Variants in STK31 observed in about 807,000 individuals in gnomAD.
STK31 encodes serine/threonine-protein kinase 31.
In STK31, 89 loss-of-function variants were observed where a neutral mutation model predicts 129.7. The observed-to-expected ratio is 0.69, with a 90% confidence interval of 0.58 to 0.82. STK31 has a LOEUF of 0.82. Among genes scored for constraint, STK31 ranks in the 40% least tolerant of loss-of-function variants. The probability of loss-of-function intolerance (pLI) is 0.00; values close to 1 mark genes in which losing one functional copy is unlikely to be tolerated. For synonymous variants in STK31, 448 were observed against 395.3 expected (o/e 1.13, Z -1.58); for missense variants, 1,187 against 1,176.4 (o/e 1.01, Z -0.13).
chr7:23,787,866 T>A (rs1205220209), intron 20 of STK31, 114 bp from the exon 21 acceptor site: 1 of 1,006,140 alleles, frequency 9.9e-7, no homozygotes, highest in Admixed American at 2.9e-5. Context: ...TTATTAATGG[T>A]TCATTTCGAG....
chr7:23,727,877 A>T (rs1787184025), intron 5 of STK31, among the ~76,000 whole-genome samples: 2 of 151,848 alleles, frequency 1.3e-5, no homozygotes, highest in Admixed American at 1.3e-4. Context: ...GATCTTAATA[A>T]TTATATTTGG....
intron 13 of STK31, 102 bp downstream of exon 13, chr7:23,769,858 G>A: frequency 1.4e-6 from 1 of 734,388 alleles, no homozygotes; most frequent in Non-Finnish European, 2.2e-6. Flanking sequence ...TTGCTAGTTA[G>A]AAAGTATTAA....
At chr7:23,787,331 T>A (rs1791345133) in intron 20 of STK31, among the ~76,000 whole-genome samples, 1 of 152,172 alleles carries the variant, frequency 6.6e-6, no homozygotes, top group African/African-American at 2.4e-5. Context: ...TGATTCTTCT[T>A]ATGGAGTAAC....
At position 23,769,018 on chromosome 7, in the gene STK31, A is replaced by G; in HGVS notation, c.1440A>G (p.Ala480=). ...TLQDLSVSLE[A]VYGQAKEGAN... ...AGGATTTGTCAGTCTCTTTAGAAGC[A>G]GTGTATGGACAAGCCAAAGAAGGAG... Residue 480 remains alanine, a synonymous_variant, in exon 12 of 24, where the codon GCA becomes GCG. Coordinates refer to ENST00000355870, the MANE Select transcript of STK31 (RefSeq NM_031414.5). The G allele has an allele frequency of 1.2e-6, 2 of 1,604,068 alleles. No homozygotes were observed. Among genetic ancestry groups the G allele is most frequent in the South Asian group, 1.1e-5 (1 of 88,744 alleles).
intron 21 of STK31, among the ~76,000 whole-genome samples, chr7:23,789,651 TATTAC>T (rs890879652): frequency 6.6e-5 from 10 of 152,130 alleles, no homozygotes; most frequent in African/African-American, 2.4e-4. Context: ...ATATTTACTT[TATTAC>T]ATTAGTTTAA....
intron 8 of STK31, among the ~76,000 whole-genome samples, chr7:23,749,498 A>G (rs2128090341): frequency 6.8e-6 from 1 of 147,614 alleles, no homozygotes; most frequent in Non-Finnish European, 1.5e-5. Context: ...GTGCACCACC[A>G]TGCCTGGCTA....
chr7:23,797,441 C>A (rs925493104), intron 22 of STK31, among the ~76,000 whole-genome samples: 1 of 152,172 alleles, frequency 6.6e-6, no homozygotes, highest in Non-Finnish European at 1.5e-5. Flanking sequence ...CAAATTAGAA[C>A]TCAGGATTAA....
At chr7:23,730,872 A>ATTTTTTTTT (rs1455690740) in intron 6 of STK31, among the ~76,000 whole-genome samples, 11 of 56,110 alleles carry the variant, frequency 2.0e-4, no homozygotes, top group Admixed American at 1.2e-3. Flanking sequence ...ATATATATAT[A>ATTTTTTTTT]TATATATTTT....
intron 6 of STK31, among the ~76,000 whole-genome samples, chr7:23,730,878 A>ATATATATTTTTTT: frequency 9.2e-4 from 55 of 59,536 alleles, no homozygotes; most frequent in African/African-American, 3.0e-3. Flanking sequence ...ATATATATAT[A>ATATATATTTTTTT]TTTTTTTTTT....
chr7:23,787,636 C>G (rs1176457008), intron 20 of STK31, among the ~76,000 whole-genome samples: 1 of 151,876 alleles, frequency 6.6e-6, no homozygotes, highest in African/African-American at 2.4e-5. Flanking sequence ...GAATCTAATG[C>G]CTGTGATCTG....
intron 22 of STK31, among the ~76,000 whole-genome samples, chr7:23,793,877 A>G (rs1231053202): frequency 6.6e-6 from 1 of 152,222 alleles, no homozygotes; most frequent in Non-Finnish European, 1.5e-5. Flanking sequence ...TTCCACTTCT[A>G]GATATTTAGC....
intron 6 of STK31, 78 bp from the exon 7 acceptor site, chr7:23,735,460 T>G: frequency 7.7e-7 from 1 of 1,295,212 alleles, no homozygotes; most frequent in South Asian, 1.5e-5. Flanking sequence ...AATATGATGC[T>G]TGGAAAAAAT....
In STK31 at chr7:23,710,222, G is replaced by T; in HGVS notation, c.-64G>T. ...GCAGGCGCAGTGTGGGGCCCTTGCG[G>T]TCGAAGCTCACGCGGTAAGCCGCTG... is the stretch of plus-strand genomic sequence containing the variant. On this transcript the variant is annotated 5_prime_UTR_variant, in exon 1 of 24. Transcript: ENST00000355870. The T allele has an allele frequency of 6.2e-7, 1 of 1,611,072 alleles. No individual in the cohort carries two copies. The highest frequency in any genetic ancestry group is 1.3e-5 in the African/African-American group (1 of 74,998).
chr7:23,776,586 C>T (rs1790559681), intron 15 of STK31, among the ~76,000 whole-genome samples: 2 of 152,206 alleles, frequency 1.3e-5, no homozygotes, highest in South Asian at 2.1e-4. Flanking sequence ...GGAATTTTTC[C>T]ATTTCTTCTA....
chr7:23,749,787 T>C (rs545208676), intron 8 of STK31, among the ~76,000 whole-genome samples: 1 of 152,266 alleles, frequency 6.6e-6, no homozygotes, highest in Admixed American at 6.5e-5. Context: ...GTCTCAGTCT[T>C]TTTGTGAGTC....
intron 23 of STK31, among the ~76,000 whole-genome samples, chr7:23,829,242 A>G (rs1298630131): frequency 6.6e-6 from 1 of 151,944 alleles, no homozygotes; most frequent in Non-Finnish European, 1.5e-5. Context: ...CCATTTAGTA[A>G]TGATGTTAGC....
intron 15 of STK31, among the ~76,000 whole-genome samples, chr7:23,772,671 G>A (rs564463125): frequency 2.0e-5 from 3 of 152,188 alleles, no homozygotes; most frequent in South Asian, 4.1e-4. Context: ...TAAGATCATG[G>A]TATCTTTTGT....
chr7:23,831,127 A>G (rs1228547321), intron 23 of STK31, among the ~76,000 whole-genome samples: 1 of 152,188 alleles, frequency 6.6e-6, no homozygotes, highest in Non-Finnish European at 1.5e-5. Flanking sequence ...AGTGTTCTGT[A>G]AATATCTGTT....
chr7:23,788,267 A>G, intron 21 of STK31, 138 bp downstream of exon 21: 1 of 712,648 alleles, frequency 1.4e-6, no homozygotes, highest in East Asian at 3.4e-5. Context: ...AGTATAAGCA[A>G]CTATTTGCCC....
Sources: allele counts gnomAD v4.1 joint callset (sites outside exome capture counted in the v4.1 genomes callset), GRCh38; gene constraint gnomAD v4.1.1; transcripts MANE v1.5; gene names NCBI Gene and HGNC (gene_info 2026-07-23, HGNC 2026-07-21).